CACNB4: variants seen among roughly 807,000 people sequenced by gnomAD.
The protein encoded by CACNB4 is voltage-dependent L-type calcium channel subunit beta-4.
Under a neutral mutation model 71.2 loss-of-function variants are expected in CACNB4, and 32 were observed. That is an observed-to-expected ratio of 0.45 (90% CI 0.34 to 0.60). CACNB4 has a LOEUF of 0.60. CACNB4 is among the 20% of genes least tolerant of loss of function. The pLI, the probability that CACNB4 is intolerant of heterozygous loss-of-function variation, is 0.01. For synonymous variants in CACNB4, 231 were observed against 236.9 expected (o/e 0.97, Z 0.23); for missense variants, 464 against 647.9 (o/e 0.72, Z 3.08).
intron 2 of CACNB4, among the ~76,000 whole-genome samples, chr2:151,937,788 C>T (rs951566737): frequency 2.0e-5 from 3 of 152,146 alleles, no homozygotes; most frequent in African/African-American, 7.2e-5. Flanking sequence ...TTCCAAAGTC[C>T]GACTTCTAAT....
At chr2:151,849,752 T>A (rs1194939711) in intron 12 of CACNB4, among the ~76,000 whole-genome samples, 2 of 152,146 alleles carry the variant, frequency 1.3e-5, no homozygotes, top group Admixed American at 6.6e-5. Context: ...AGGTACCAGG[T>A]CAGCCGCCAG....
At chr2:151,839,509 C>T (rs1489610357) in intron 13 of CACNB4, 130 bp from the exon 14 acceptor site, 6 of 690,694 alleles carry the variant, frequency 8.7e-6, no homozygotes, top group Non-Finnish European at 1.5e-5. Context: ...CATCCTGATG[C>T]ACCAATGATC....
At position 151,842,052 on chromosome 2, in the gene CACNB4, C is replaced by A. The variant is rs1553741681; in HGVS notation, c.1153G>T (p.Glu385Ter). 1 of 1,613,880 alleles carries A rather than the reference C, an allele frequency of 6.2e-7. No individual in the cohort carries two copies. The highest frequency in any genetic ancestry group is 8.5e-7 in the Non-Finnish European group (1 of 1,179,844). ...TCCCCTAGATGTTCACATGCATCCT[C>A]AAGCTGATTTTCATCCAATATAACA... ...FDVILDENQL[E>*]DACEHLGEYL... is the part of the protein sequence containing the mutation. The change falls in exon 13 of 14, where the codon GAG (glutamate) becomes TAG (stop). Residue 385 changes from glutamate (E) to a stop codon, truncating the protein, a stop_gained. Transcript: ENST00000539935. LOFTEE classifies it high-confidence loss of function.
At chr2:151,891,090 C>A (rs2099850614) in intron 2 of CACNB4, among the ~76,000 whole-genome samples, 3 of 152,128 alleles carry the variant, frequency 2.0e-5, no homozygotes, top group Admixed American at 2.0e-4. Context: ...TTAATGGGTT[C>A]TATTACAACT....
At chr2:152,072,891 C>T (rs185855624) in intron 2 of CACNB4, among the ~76,000 whole-genome samples, 1,803 of 151,912 alleles carry the variant, frequency 0.012, 35 homozygotes, top group African/African-American at 0.042. Context: ...CCTCAGGATC[C>T]GCCCGCCTCG....
At chr2:152,085,639 C>A (rs1687618078) in intron 2 of CACNB4, among the ~76,000 whole-genome samples, 1 of 152,060 alleles carries the variant, frequency 6.6e-6, no homozygotes, top group Non-Finnish European at 1.5e-5. Flanking sequence ...AGCTCCCAAA[C>A]CCACACTTGG....
intron 2 of CACNB4, among the ~76,000 whole-genome samples, chr2:151,965,560 T>A (rs62176764): frequency 0.029 from 4,389 of 152,346 alleles, 65 homozygotes; most frequent in African/African-American, 0.039. Context: ...ATATTCTTGA[T>A]GATTAAGCAG....
At chr2:151,868,891 TA>T (rs913293343) in intron 9 of CACNB4, 2 of 177,490 alleles carry the variant, frequency 1.1e-5, no homozygotes, top group African/African-American at 4.7e-5. Context: ...TATTTTTTCA[TA>T]AAAAACATTT....
At chr2:151,963,925 T>C (rs559598049) in intron 2 of CACNB4, among the ~76,000 whole-genome samples, 2 of 151,998 alleles carry the variant, frequency 1.3e-5, no homozygotes, top group South Asian at 4.2e-4. Context: ...AAAAATTAGC[T>C]GGGCATGGTG....
chr2:151,900,674 T>C (rs2099853144), intron 2 of CACNB4, among the ~76,000 whole-genome samples: 1 of 151,822 alleles, frequency 6.6e-6, no homozygotes, highest in Admixed American at 6.6e-5. Flanking sequence ...TGAATGAGAG[T>C]TTCAGATCGA....
intron 3 of CACNB4, among the ~76,000 whole-genome samples, chr2:151,882,559 G>A (rs948138935): frequency 6.6e-6 from 1 of 152,050 alleles, no homozygotes; most frequent in Non-Finnish European, 1.5e-5. Context: ...AAAAAGGGTC[G>A]TGCTTCAAAA....
intron 2 of CACNB4, among the ~76,000 whole-genome samples, chr2:152,065,716 A>T (rs1196429591): frequency 6.6e-6 from 1 of 152,086 alleles, no homozygotes; most frequent in Admixed American, 6.6e-5. Context: ...AGGTTGTCCT[A>T]TATGTCCTCA....
chr2:151,924,649 A>C (rs930362464), intron 2 of CACNB4, among the ~76,000 whole-genome samples: 2 of 152,104 alleles, frequency 1.3e-5, no homozygotes, highest in Non-Finnish European at 2.9e-5. Context: ...AGGAATCCCT[A>C]AGAAGCATTC....
rs1345049325 is a variant in CACNB4, at chr2:151,880,910, C to T, written c.280G>A (p.Ala94Thr). The change falls in exon 4 of 14, where the codon GCA (alanine) becomes ACA (threonine). Residue 94 changes from alanine (A) to threonine (T), a missense_variant. By Grantham distance (58) the Ala-to-Thr change is moderately conservative (BLOSUM62 0). This residue lies in a region of CACNB4 where 299 missense variants were observed against 471.7 expected (regional missense o/e 0.63). Transcript: ENST00000539935. ...CTCACATTTGTCTTCACGGCAAATGCTACAGGTTTGGACTAGGGACAGAAC... is the reference window on the plus strand; with the variant it reads ...CTCACATTTGTCTTCACGGCAAATGTTACAGGTTTGGACTAGGGACAGAAC... Reference protein sequence around the residue: ...QLERAKSKPVAFAVKTNVSYC... With the variant: ...QLERAKSKPVTFAVKTNVSYC... The T allele has an allele frequency of 6.2e-7, 1 of 1,612,852 alleles. No homozygotes were observed. The highest frequency in any genetic ancestry group is 1.3e-5 in the African/African-American group (1 of 74,892).
chr2:152,076,624 C>T (rs148197159), intron 2 of CACNB4, among the ~76,000 whole-genome samples: 5 of 152,226 alleles, frequency 3.3e-5, no homozygotes, highest in East Asian at 3.9e-4. Flanking sequence ...TTCAGGCACA[C>T]GTATTAAAAG....
intron 2 of CACNB4, chr2:151,973,878 G>A: frequency 6.9e-7 from 1 of 1,454,168 alleles, no homozygotes; most frequent in East Asian, 2.5e-5. Flanking sequence ...ATCCCACAGG[G>A]TGAGGTTATC....
intron 2 of CACNB4, among the ~76,000 whole-genome samples, chr2:152,040,053 G>GC (rs1190323297): frequency 6.6e-6 from 1 of 152,132 alleles, no homozygotes; most frequent in Admixed American, 6.5e-5. Context: ...AATTGTACTG[G>GC]CTGATAAGTG....
intron 2 of CACNB4, among the ~76,000 whole-genome samples, chr2:152,088,594 T>C (rs546110409): frequency 1.3e-5 from 2 of 152,322 alleles, no homozygotes; most frequent in African/African-American, 4.8e-5. Flanking sequence ...GAAAGATACA[T>C]CCATCAACAT....
At position 151,876,443 on chromosome 2, in the gene CACNB4, T is replaced by C; in HGVS notation, c.504A>G (p.Arg168=). 1.3e-6 allele frequency: 2 copies of C among 1,597,326 alleles called. No homozygotes were observed. Among genetic ancestry groups the C allele is most frequent in the South Asian group, 2.3e-5 (2 of 88,800 alleles). The stretch of plus-strand genomic sequence containing the variant: ...GAACGTACCCTCCGTGAAAACGTCC[T>C]CTTTTTTGTTCTTGCTGGATCCGTA... The part of the protein sequence containing the change: ...ENIRIQQEQK[R]GRFHGGKSSG... The change falls in exon 5 of 14, where the codon AGA becomes AGG. Residue 168 remains arginine (R), a synonymous_variant. Transcript: ENST00000539935.
Sources: allele counts gnomAD v4.1 joint callset (sites outside exome capture counted in the v4.1 genomes callset), GRCh38; gene constraint gnomAD v4.1.1; regional missense constraint gnomAD v4.1.1; transcripts MANE v1.5; gene names NCBI Gene and HGNC (gene_info 2026-07-23, HGNC 2026-07-21).